RASSF2: variants seen among roughly 807,000 people sequenced by gnomAD.
RASSF2 encodes ras association domain-containing protein 2.
A neutral mutation model predicts 46.3 loss-of-function variants in RASSF2; 34 were observed. The ratio of observed to expected loss-of-function variants is 0.73; its 90% confidence interval spans 0.56 to 0.98. The LOEUF is 0.98. Ranked by LOEUF, RASSF2 falls within the 50% of genes least tolerant of loss-of-function variation. The pLI is 0.00. For missense variants in RASSF2, 364 were observed against 431.2 expected, an observed-to-expected ratio of 0.84 and a Z score of 1.38; for synonymous variants, 158 against 162.5, an observed-to-expected ratio of 0.97 and a Z score of 0.21.
chr20:4,803,346 C>T (rs528521635), intron 2 of RASSF2, among the ~76,000 whole-genome samples: 9 of 152,268 alleles, frequency 5.9e-5, no homozygotes, highest in African/African-American at 2.2e-4. Context: ...GCTGGAAAAG[C>T]AAGAAAATGG....
intron 4 of RASSF2, among the ~76,000 whole-genome samples, 194 bp from the exon 5 acceptor site, chr20:4,796,160 G>A (rs938997443): frequency 2.0e-5 from 3 of 152,220 alleles, no homozygotes; most frequent in Non-Finnish European, 2.9e-5. Context: ...TCCAGATCCT[G>A]AAGCTGACCT....
chr20:4,807,615 A>G (rs1927445205), intron 2 of RASSF2, among the ~76,000 whole-genome samples: 1 of 152,204 alleles, frequency 6.6e-6, no homozygotes, highest in Non-Finnish European at 1.5e-5. Flanking sequence ...AGATAGTCTG[A>G]TGGCCCCGAC....
chr20:4,794,958 A>G (rs1472589894), intron 5 of RASSF2, among the ~76,000 whole-genome samples: 1 of 152,240 alleles, frequency 6.6e-6, no homozygotes, highest in East Asian at 1.9e-4. Context: ...TGTGGCCAAC[A>G]GAGAGGGCTT....
At chr20:4,815,873 A>G (rs941593169) in intron 2 of RASSF2, among the ~76,000 whole-genome samples, 1 of 152,226 alleles carries the variant, frequency 6.6e-6, no homozygotes, top group African/African-American at 2.4e-5. Context: ...GCACCCTGAT[A>G]CTGCCCAGGC....
At chr20:4,793,983 G>A (rs548412589) in intron 5 of RASSF2, among the ~76,000 whole-genome samples, 3 of 152,214 alleles carry the variant, frequency 2.0e-5, no homozygotes, top group East Asian at 1.9e-4. Context: ...AGGCTCAAAC[G>A]AAATCTTAAA....
chr20:4,812,785 G>A lies in RASSF2; in HGVS notation c.-33+9544C>T, dbSNP rs533490715. The stretch of plus-strand genomic sequence containing the variant: ...GGAAACAGAAGGTCTCAGAGGTTAG[G>A]TGGCTTGTCCCAGGTGGCACAGCCG... On this transcript the variant is annotated intron_variant, in intron 2 of 11. Coordinates refer to ENST00000379400, the MANE Select transcript of RASSF2 (RefSeq NM_014737.3). This position sits in a 1 kb window ranked among gnomAD's most constrained non-coding sequence, Gnocchi z 4.0. 7.9e-5 allele frequency among the ~76,000 whole-genome samples: 12 copies of A among 152,294 alleles called. No homozygotes were observed. In the South Asian group the frequency reaches 2.5e-3, roughly 32 times the overall value.
intron 2 of RASSF2, among the ~76,000 whole-genome samples, chr20:4,820,627 G>A (rs533958685): frequency 2.0e-5 from 3 of 152,210 alleles, no homozygotes; most frequent in Non-Finnish European, 2.9e-5. Flanking sequence ...GTTGTGAAGA[G>A]TATTAGGGAG....
chr20:4,787,521 A>T, intron 10 of RASSF2, 112 bp downstream of exon 10: 1 of 1,363,486 alleles, frequency 7.3e-7, no homozygotes, highest in South Asian at 1.3e-5. Flanking sequence ...CTGAAGAAGT[A>T]AAAGGGGGCA....
intron 10 of RASSF2, 108 bp from the exon 11 acceptor site, chr20:4,786,436 TC>T (rs959973032): frequency 1.0e-6 from 1 of 1,000,830 alleles, no homozygotes. Context: ...TCTATTTTTT[TC>T]AGAAACCCAG....
intron 11 of RASSF2, among the ~76,000 whole-genome samples, chr20:4,784,732 A>G (rs1426289111): frequency 6.6e-6 from 1 of 152,142 alleles, no homozygotes; most frequent in Non-Finnish European, 1.5e-5. Flanking sequence ...ACCCTCACCT[A>G]GGCTAGATGA....
intron 11 of RASSF2, among the ~76,000 whole-genome samples, chr20:4,784,597 A>C (rs1925134928): frequency 8.8e-6 from 1 of 113,538 alleles, no homozygotes; most frequent in Non-Finnish European, 1.8e-5. Context: ...CTAGCCAAAA[A>C]AAAAAAAAAA....
At chr20:4,784,634 C>G (rs1925143585) in intron 11 of RASSF2, among the ~76,000 whole-genome samples, 1 of 139,874 alleles carries the variant, frequency 7.1e-6, no homozygotes, top group Admixed American at 7.1e-5. Flanking sequence ...AAAACAACAG[C>G]AATAATAAGC....
intron 2 of RASSF2, among the ~76,000 whole-genome samples, chr20:4,801,510 C>T (rs1360605721): frequency 1.3e-5 from 2 of 152,138 alleles, no homozygotes; most frequent in South Asian, 4.1e-4. Flanking sequence ...CAGTATGTGT[C>T]TACAGACACC....
Position 4,795,994 on chromosome 20 carries a change from G to A in RASSF2, c.136-28C>T, listed in dbSNP as rs370949949. The A allele has an allele frequency of 8.8e-6, 13 of 1,469,504 alleles. No homozygotes were observed. Among genetic ancestry groups the A allele is most frequent in the Non-Finnish European group, 1.2e-5 (13 of 1,105,278 alleles). 91.0% of individuals were successfully genotyped at this position (1,469,504 alleles called of 1,614,324 possible). ...GCCCACAAAGCAATCAGAGTAGTGA[G>A]CCTAGAAAAGCCCCCACAGAAGCCA... On this transcript the variant is annotated intron_variant, in intron 4 of 11. Coordinates refer to ENST00000379400, the MANE Select transcript of RASSF2 (RefSeq NM_014737.3). The surrounding 1 kb of genome is among the most constrained non-coding windows in gnomAD (Gnocchi z 4.0).
chr20:4,797,014 G>A (rs1172256491), intron 4 of RASSF2, among the ~76,000 whole-genome samples: 2 of 152,104 alleles, frequency 1.3e-5, no homozygotes, highest in East Asian at 3.9e-4. Flanking sequence ...AACTAACTTG[G>A]GCCCCAAAAT....
intron 2 of RASSF2, among the ~76,000 whole-genome samples, chr20:4,804,373 T>TTTTG (rs1927165968): frequency 1.3e-5 from 2 of 150,196 alleles, no homozygotes; most frequent in Non-Finnish European, 3.0e-5. Flanking sequence ...TTTTTTTTTT[T>TTTTG]GTCACCCAGG....
chr20:4,785,013 G>A (rs1167442695), intron 11 of RASSF2, among the ~76,000 whole-genome samples: 2 of 152,046 alleles, frequency 1.3e-5, no homozygotes, highest in Admixed American at 1.3e-4. Context: ...TATTTTTAAA[G>A]TTTAGGACAT....
At chr20:4,820,654 T>C (rs961628217) in intron 2 of RASSF2, among the ~76,000 whole-genome samples, 11 of 152,190 alleles carry the variant, frequency 7.2e-5, no homozygotes, top group African/African-American at 2.7e-4. Flanking sequence ...GGAGGGAATT[T>C]CTACCCCTTG....
chr20:4,816,397 C>A (rs1928307770), intron 2 of RASSF2, among the ~76,000 whole-genome samples: 1 of 152,148 alleles, frequency 6.6e-6, no homozygotes, highest in African/African-American at 2.4e-5. Flanking sequence ...TATGAGGTAG[C>A]TAGAACAGGC....
Sources: gnomAD v4.1 joint callset for allele counts (sites outside exome capture counted in the v4.1 genomes callset) on GRCh38, gnomAD v4.1.1 for gene constraint, Gnocchi (gnomAD v3.1) non-coding constraint, MANE v1.5 for transcripts, NCBI Gene and HGNC (gene_info 2026-07-23, HGNC 2026-07-21) for gene names.